The following PCDH15 variants were observed in gnomAD, a reference collection of about 807,000 sequenced individuals.
PCDH15 encodes the protein protocadherin-15.
A neutral mutation model predicts 178.5 loss-of-function variants in PCDH15; 129 were observed. The observed-to-expected ratio is 0.72, with a 90% CI of 0.63 to 0.84. The LOEUF is 0.84. Ranked by LOEUF, PCDH15 falls within the 40% of genes least tolerant of loss-of-function variation. The pLI is 0.00. For synonymous variants in PCDH15, 800 were observed against 732.0 expected (o/e 1.09, Z -1.50); for missense variants, 2,230 against 2,099.9 (o/e 1.06, Z -1.21).
At chr10:55,098,503 T>A (rs115707713) in intron 2 of PCDH15, among the ~76,000 whole-genome samples, 4 of 152,126 alleles carry the variant, frequency 2.6e-5, no homozygotes, top group African/African-American at 9.7e-5. Flanking sequence ...CGTGGGTGAA[T>A]GTCAGCAGTT....
intron 1 of PCDH15, among the ~76,000 whole-genome samples, chr10:54,774,003 T>C (rs571126428): frequency 7.3e-5 from 10 of 136,858 alleles, no homozygotes; most frequent in African/African-American, 1.6e-4. Context: ...GCATACTTCA[T>C]AGGCTTTTTT....
intron 1 of PCDH15, among the ~76,000 whole-genome samples, chr10:55,277,831 T>C (rs1042603022): frequency 4.6e-5 from 7 of 152,212 alleles, no homozygotes; most frequent in Admixed American, 1.3e-4. Context: ...CTCCGCCTCA[T>C]AAAATGTCCA....
chr10:54,500,126 C>T (rs749552090), intron 3 of PCDH15, among the ~76,000 whole-genome samples: 1 of 150,570 alleles, frequency 6.6e-6, no homozygotes, highest in Non-Finnish European at 1.5e-5. Context: ...TAAAGAAAAA[C>T]AAAACAACAT....
chr10:53,919,241 G>A (rs2083790378), intron 25 of PCDH15, among the ~76,000 whole-genome samples: 1 of 152,064 alleles, frequency 6.6e-6, no homozygotes, highest in Non-Finnish European at 1.5e-5. Context: ...AAGAGAAGGG[G>A]GCATCATTCT....
At position 54,297,286 on chromosome 10, in the gene PCDH15, C is replaced by A. The variant is rs535563023; in HGVS notation, c.876+19985G>T. 7.9e-5 allele frequency among the ~76,000 whole-genome samples: 12 copies of A among 152,270 alleles called. No individual in the cohort carries two copies. The South Asian group carries it at 2.5e-3, about 32-fold the overall frequency. On this transcript the variant is annotated intron_variant, in intron 8 of 37. Coordinates refer to ENST00000644397, the MANE Select transcript of PCDH15 (RefSeq NM_001384140.1). The stretch of plus-strand genomic sequence containing the variant: ...AAGCCATTGGGACCAATTTGACCCG[C>A]AAACCCTGAAAGAAAGGCAGCTCAT...
rs968468522 is a variant in PCDH15 at position 55,473,944 on chromosome 10, C to T, written c.-156+153681G>A. Among the ~76,000 whole-genome samples, 10 of 151,928 alleles carry T rather than the reference C, an allele frequency of 6.6e-5. No individual in the cohort carries two copies. The East Asian group carries it at 1.7e-3, about 26-fold the overall frequency. On this transcript the variant is annotated intron_variant, in intron 2 of 5. Transcript: ENST00000613346. The stretch of plus-strand genomic sequence containing the variant: ...ATTGTTAAACCTATTTAAGTAATAA[C>T]CAAAATCAAGGCTTGGGAAAGGTGT...
chr10:53,847,278 G>T lies in PCDH15; in HGVS notation c.3807-6782C>A, dbSNP rs577521175. On this transcript the variant is annotated intron_variant, in intron 28 of 37. Coordinates refer to ENST00000644397, the MANE Select transcript of PCDH15 (RefSeq NM_001384140.1). The stretch of plus-strand genomic sequence containing the variant: ...GATTATAAACCCTACTTAGGCTTTT[G>T]TTGAGGTAAATGGCTTATATTTATC... Among the ~76,000 whole-genome samples, 256 of 152,136 alleles carry T rather than the reference G, an allele frequency of 1.7e-3. 1 individual carries two copies. Among genetic ancestry groups the T allele is most frequent in the African/African-American group, 5.5e-3 (230 of 41,554 alleles).
chr10:54,780,426 A>AACTTGG (rs1026593213), intron 1 of PCDH15, among the ~76,000 whole-genome samples: 73 of 152,276 alleles, frequency 4.8e-4, no homozygotes, highest in African/African-American at 1.7e-3. Flanking sequence ...GGGAACTGGG[A>AACTTGG]GAACTGTTTG....
chr10:54,530,032 T>G (rs2083751171), intron 2 of PCDH15, among the ~76,000 whole-genome samples: 1 of 152,048 alleles, frequency 6.6e-6, no homozygotes, highest in African/African-American at 2.4e-5. Context: ...AACAACTTTA[T>G]GGGCAAGCAG....
chr10:54,235,510 GTCTC>G (rs936947369), intron 9 of PCDH15, among the ~76,000 whole-genome samples: 1 of 152,052 alleles, frequency 6.6e-6, no homozygotes, highest in Admixed American at 6.6e-5. Flanking sequence ...ATAGATAATT[GTCTC>G]TCTTTTTCCA....
intron 8 of PCDH15, among the ~76,000 whole-genome samples, chr10:54,249,121 A>G (rs1441647322): frequency 6.6e-6 from 1 of 152,104 alleles, no homozygotes; most frequent in African/African-American, 2.4e-5. Context: ...GGTATTTTGT[A>G]TCAGTATTTG....
chr10:54,959,428 A>G, intron 2 of PCDH15, among the ~76,000 whole-genome samples: 1 of 152,022 alleles, frequency 6.6e-6, no homozygotes, highest in Middle Eastern at 3.2e-3. Flanking sequence ...ACAAGTAAGA[A>G]TCACAAATAG....
chr10:53,971,009 C>T (rs1158847343), intron 21 of PCDH15, among the ~76,000 whole-genome samples: 1 of 152,112 alleles, frequency 6.6e-6, no homozygotes, highest in Non-Finnish European at 1.5e-5. Context: ...AACCAATATC[C>T]CTGATGAACA....
chr10:54,899,680 T>A (rs1448451273), intron 2 of PCDH15, among the ~76,000 whole-genome samples: 1 of 151,984 alleles, frequency 6.6e-6, no homozygotes, highest in Non-Finnish European at 1.5e-5. Context: ...GTATTTTTAG[T>A]AGAGATGGGT....
At chr10:55,061,531 CT>C (rs1841431822) in intron 2 of PCDH15, among the ~76,000 whole-genome samples, 1 of 152,160 alleles carries the variant, frequency 6.6e-6, no homozygotes, top group Non-Finnish European at 1.5e-5. Context: ...ACCGTATGAT[CT>C]AGCAATCACA....
chr10:55,319,401 T>C (rs1843824148), intron 1 of PCDH15, among the ~76,000 whole-genome samples: 1 of 152,036 alleles, frequency 6.6e-6, no homozygotes, highest in Non-Finnish European at 1.5e-5. Flanking sequence ...TAAACAAATA[T>C]AAAACATATA....
chr10:54,263,736 A>G (rs1336094549), intron 8 of PCDH15, among the ~76,000 whole-genome samples: 1 of 136,264 alleles, frequency 7.3e-6, no homozygotes, highest in Admixed American at 7.8e-5. Flanking sequence ...TAAAAAATAT[A>G]AAAGCCCTGT....
chr10:54,261,999 C>G (rs1200396141), intron 8 of PCDH15, among the ~76,000 whole-genome samples: 3 of 152,250 alleles, frequency 2.0e-5, no homozygotes, highest in East Asian at 3.9e-4. Flanking sequence ...AGGACTGGCC[C>G]ATATACCTTG....
chr10:55,598,555 T>TAGATAGATAG (rs1564473934), intron 2 of PCDH15, among the ~76,000 whole-genome samples: 1 of 95,414 alleles, frequency 1.0e-5, no homozygotes, highest in African/African-American at 4.7e-5. Context: ...TATATATATA[T>TAGATAGATAG]ATATATATAT....
Sources: gnomAD v4.1 joint callset for allele counts (sites outside exome capture counted in the v4.1 genomes callset) on GRCh38, gnomAD v4.1.1 for gene constraint, MANE v1.5 for transcripts, NCBI Gene and HGNC (gene_info 2026-07-23, HGNC 2026-07-21) for gene names.